GLYATL2: variants seen among roughly 807,000 people sequenced by gnomAD.
The protein encoded by GLYATL2 is glycine N-acyltransferase-like protein 2.
In GLYATL2, 25 loss-of-function variants were observed where a neutral mutation model predicts 21.4. That is an observed-to-expected ratio of 1.17 (90% CI 0.85 to 1.63). The LOEUF is 1.63. Among genes scored for constraint, GLYATL2 ranks in the 40% most tolerant of loss-of-function variants. The pLI is 0.00. For synonymous variants in GLYATL2, 114 were observed against 118.2 expected (o/e 0.96, Z 0.23); for missense variants, 361 against 343.3 (o/e 1.05, Z -0.41).
chr11:58,890,099 T>G (rs977586344), intron 1 of GLYATL2, among the ~76,000 whole-genome samples: 1 of 152,086 alleles, frequency 6.6e-6, no homozygotes, highest in South Asian at 2.1e-4. Flanking sequence ...CCCAGCCCCT[T>G]TCCCTCCACC....
intron 1 of GLYATL2, among the ~76,000 whole-genome samples, chr11:58,872,968 T>C (rs368064702): frequency 2.0e-5 from 3 of 152,312 alleles, no homozygotes; most frequent in East Asian, 3.9e-4. Context: ...CCTTGAGCAG[T>C]GGTTTGTAGT....
At chr11:58,862,786 G>C (rs1853954272) in intron 1 of GLYATL2, among the ~76,000 whole-genome samples, 1 of 151,688 alleles carries the variant, frequency 6.6e-6, no homozygotes, top group Non-Finnish European at 1.5e-5. Flanking sequence ...TTGTCAGAAA[G>C]TTCATAAGCC....
rs763980765 is a variant in GLYATL2 at position 58,838,317 on chromosome 11, C to A, written c.130G>T (p.Val44Leu). ...IKDKNPFNME[V>L]LVDAWPDYQI... ...TAATCTGGCCAGGCATCTACCAGCA[C>A]CTCCATGTTGAAAGGGTTTTTATCT... is the stretch of plus-strand genomic sequence containing the variant. Residue 44 changes from valine to leucine, a missense_variant, in exon 3 of 6, where the codon GTG becomes TTG. Transcript: ENST00000287275. 6.2e-7 allele frequency: 1 copy of A among 1,613,428 alleles called. No homozygotes were observed. The highest frequency in any genetic ancestry group is 1.1e-5 in the South Asian group (1 of 91,066).
intron 1 of GLYATL2, among the ~76,000 whole-genome samples, chr11:58,864,130 C>T (rs1190722073): frequency 6.6e-6 from 1 of 152,124 alleles, no homozygotes; most frequent in African/African-American, 2.4e-5. Context: ...GGGGGCTAGC[C>T]TGGCGCTAGG....
chr11:58,893,030 T>C (rs1430960318), intron 1 of GLYATL2: 1 of 350,932 alleles, frequency 2.8e-6, no homozygotes. Flanking sequence ...TCTCTTCTTT[T>C]TGTTTTCTAT....
At chr11:58,881,583 G>A (rs946732997) in intron 1 of GLYATL2, among the ~76,000 whole-genome samples, 2 of 152,032 alleles carry the variant, frequency 1.3e-5, no homozygotes, top group Admixed American at 6.6e-5. Flanking sequence ...GTTTTTAGAA[G>A]GCTGATTTTT....
chr11:58,851,048 GC>G (rs1329747174), intron 1 of GLYATL2, among the ~76,000 whole-genome samples: 3 of 152,140 alleles, frequency 2.0e-5, no homozygotes, highest in African/African-American at 7.2e-5. Context: ...ACAGGGAAGG[GC>G]CCCCTGTCTG....
intron 1 of GLYATL2, among the ~76,000 whole-genome samples, chr11:58,850,164 G>C (rs996837270): frequency 6.6e-6 from 1 of 152,094 alleles, no homozygotes; most frequent in Non-Finnish European, 1.5e-5. Flanking sequence ...TTGTGTTCCA[G>C]CTATTGGAAA....
upstream of GLYATL2, among the ~76,000 whole-genome samples, chr11:58,846,653 C>T (rs116967972): frequency 6.6e-6 from 1 of 152,122 alleles, no homozygotes; most frequent in South Asian, 2.1e-4. Flanking sequence ...AGTCCTAACC[C>T]GAGGGGAATC....
chr11:58,850,229 T>C (rs1162072890), intron 1 of GLYATL2, among the ~76,000 whole-genome samples: 9 of 152,148 alleles, frequency 5.9e-5, no homozygotes, highest in Non-Finnish European at 1.0e-4. Flanking sequence ...GTCTGTCATA[T>C]ATAGCTTTTA....
chr11:58,907,171 A>G (rs950681826), upstream of GLYATL2: 2 of 447,580 alleles, frequency 4.5e-6, no homozygotes, highest in Non-Finnish European at 4.5e-6. Flanking sequence ...ATCAGTACAC[A>G]GTTGAATACT....
chr11:58,877,469 G>A (rs1258429293), intron 1 of GLYATL2, among the ~76,000 whole-genome samples: 1 of 152,210 alleles, frequency 6.6e-6, no homozygotes, highest in Non-Finnish European at 1.5e-5. Context: ...GGATCACCAG[G>A]GGGAAGGTGT....
At chr11:58,894,893 A>G (rs1455078904) in intron 1 of GLYATL2, among the ~76,000 whole-genome samples, 1 of 152,236 alleles carries the variant, frequency 6.6e-6, no homozygotes, top group Non-Finnish European at 1.5e-5. Flanking sequence ...CTTACGTAAA[A>G]AATAAACTCG....
At chr11:58,873,617 T>C (rs1854167234) in intron 1 of GLYATL2, among the ~76,000 whole-genome samples, 1 of 152,228 alleles carries the variant, frequency 6.6e-6, no homozygotes, top group Non-Finnish European at 1.5e-5. Flanking sequence ...GAACCAGCCT[T>C]GCATCCCAGG....
intron 1 of GLYATL2, among the ~76,000 whole-genome samples, chr11:58,860,017 T>C (rs1853902836): frequency 6.6e-6 from 1 of 152,210 alleles, no homozygotes; most frequent in South Asian, 2.1e-4. Context: ...TTCATTACTA[T>C]TGCTTCATAG....
intron 1 of GLYATL2, among the ~76,000 whole-genome samples, chr11:58,862,371 C>G (rs1853947609): frequency 6.6e-6 from 1 of 152,164 alleles, no homozygotes; most frequent in Admixed American, 6.5e-5. Flanking sequence ...AAGTATTCTG[C>G]TATTATTTCA....
chr11:58,891,922 G>T (rs1299582557), intron 1 of GLYATL2, among the ~76,000 whole-genome samples: 1 of 152,118 alleles, frequency 6.6e-6, no homozygotes. Flanking sequence ...AGAAAGGTGA[G>T]GCATCTTAAG....
chr11:58,907,095 T>C (rs1943264), upstream of GLYATL2: 47,470 of 308,126 alleles, frequency 0.15, 4,150 homozygotes, highest in East Asian at 0.32. Context: ...TGGAGGAAAG[T>C]TACACCATAA....
chr11:58,839,468 G>A (rs931002470), intron 2 of GLYATL2, 67 bp downstream of exon 2: 1 of 916,646 alleles, frequency 1.1e-6, no homozygotes, highest in Admixed American at 2.2e-5. Flanking sequence ...TTAAGGTTAT[G>A]AATCCTGAAT....
Sources: allele counts gnomAD v4.1 joint callset (sites outside exome capture counted in the v4.1 genomes callset), GRCh38; gene constraint gnomAD v4.1.1; transcripts MANE v1.5; gene names NCBI Gene and HGNC (gene_info 2026-07-23, HGNC 2026-07-21).